NTM: variants seen among roughly 807,000 people sequenced by gnomAD.
NTM encodes neurotrimin, also known as IgLON family member 2.
Under a neutral mutation model 42.1 loss-of-function variants are expected in NTM, and 13 were observed. The ratio of observed to expected loss-of-function variants is 0.31; its 90% confidence interval spans 0.20 to 0.49. The LOEUF (loss-of-function observed/expected upper bound fraction) is 0.49. Among genes scored for constraint, NTM ranks in the 20% least tolerant of loss-of-function variants. NTM has a pLI of 0.99. For synonymous variants in NTM, 187 were observed against 179.2 expected (o/e 1.04, Z -0.35); for missense variants, 373 against 452.8 (o/e 0.82, Z 1.60).
At chr11:132,245,973 G>T (rs114846062) in intron 4 of NTM, among the ~76,000 whole-genome samples, 5 of 152,244 alleles carry the variant, frequency 3.3e-5, no homozygotes, top group Non-Finnish European at 7.4e-5. Context: ...TTTTCTCCCC[G>T]GGCGGCCACG....
intron 3 of NTM, among the ~76,000 whole-genome samples, chr11:132,149,839 C>G (rs2071453122): frequency 6.6e-6 from 1 of 152,176 alleles, no homozygotes; most frequent in Non-Finnish European, 1.5e-5. Flanking sequence ...CAAGTAGCTA[C>G]TTGCCAGGGT....
At chr11:131,421,147 A>G (rs1259919379) in intron 1 of NTM, among the ~76,000 whole-genome samples, 1 of 152,202 alleles carries the variant, frequency 6.6e-6, no homozygotes, top group Non-Finnish European at 1.5e-5. Flanking sequence ...ACTTTACTTC[A>G]AGAAATCACG....
intron 1 of NTM, among the ~76,000 whole-genome samples, chr11:131,786,278 G>A (rs2089196609): frequency 6.6e-6 from 1 of 152,208 alleles, no homozygotes; most frequent in African/African-American, 2.4e-5. Context: ...TCTTTAGACA[G>A]ACTACACTTT....
chr11:131,638,727 C>G (rs965547886), intron 1 of NTM, among the ~76,000 whole-genome samples: 1 of 152,026 alleles, frequency 6.6e-6, no homozygotes. Flanking sequence ...TTCTGAAAAC[C>G]TAGATTTTAG....
At chr11:131,694,906 C>CT (rs1271637065) in intron 1 of NTM, among the ~76,000 whole-genome samples, 1 of 152,172 alleles carries the variant, frequency 6.6e-6, no homozygotes, top group African/African-American at 2.4e-5. Context: ...GCCCTTGGGA[C>CT]TCGCTCAGCG....
chr11:131,733,512 TTCC>T (rs2079992330), intron 1 of NTM, among the ~76,000 whole-genome samples: 1 of 149,930 alleles, frequency 6.7e-6, no homozygotes, highest in African/African-American at 2.5e-5. Context: ...CCTTCCTTCC[TTCC>T]TTCCTTTCTT....
intron 2 of NTM, among the ~76,000 whole-genome samples, chr11:132,009,995 G>A (rs1279373010): frequency 3.3e-5 from 5 of 152,130 alleles, no homozygotes; most frequent in South Asian, 4.1e-4. Flanking sequence ...CCGAATACAC[G>A]TTATATCAAT....
intron 1 of NTM, chr11:131,660,731 A>G (rs1339641718): frequency 3.6e-6 from 2 of 563,332 alleles, no homozygotes; most frequent in East Asian, 1.4e-4. Flanking sequence ...GCAAAGAAAC[A>G]AAAGGAAAAT....
intron 1 of NTM, among the ~76,000 whole-genome samples, chr11:131,635,002 C>A (rs1366246567): frequency 6.6e-6 from 1 of 152,084 alleles, no homozygotes; most frequent in Non-Finnish European, 1.5e-5. Context: ...AAATAATGAC[C>A]TTTTGGTCAA....
chr11:131,438,791 A>C (rs1024614666), intron 1 of NTM, among the ~76,000 whole-genome samples: 2 of 152,196 alleles, frequency 1.3e-5, no homozygotes, highest in Non-Finnish European at 2.9e-5. Context: ...CTGTCAGCTC[A>C]TCAAAGTCAT....
At chr11:131,395,075 G>A (rs35249697) in intron 1 of NTM, among the ~76,000 whole-genome samples, 4,991 of 152,198 alleles carry the variant, frequency 0.033, 98 homozygotes, top group Middle Eastern at 0.054. Context: ...TGGCCAAGGT[G>A]GCAGTGGGAG....
At chr11:132,163,422 T>C (rs985127242) in intron 3 of NTM, among the ~76,000 whole-genome samples, 8 of 152,216 alleles carry the variant, frequency 5.3e-5, no homozygotes, top group Non-Finnish European at 1.2e-4. Context: ...GCTATTTTTA[T>C]GTATAGCTTA....
At chr11:131,798,014 C>A (rs947197793) in intron 1 of NTM, among the ~76,000 whole-genome samples, 2 of 151,990 alleles carry the variant, frequency 1.3e-5, no homozygotes, top group Admixed American at 6.6e-5. Flanking sequence ...ATGAATTTAC[C>A]TTTCATAATG....
chr11:131,373,227 C>T (rs1447456608), intron 1 of NTM, among the ~76,000 whole-genome samples: 1 of 152,222 alleles, frequency 6.6e-6, no homozygotes, highest in African/African-American at 2.4e-5. Context: ...ATTACTGAGG[C>T]AGCCCAGGTC....
chr11:132,233,717 T>C (rs1188599441), intron 4 of NTM, among the ~76,000 whole-genome samples: 1 of 152,178 alleles, frequency 6.6e-6, no homozygotes, highest in Non-Finnish European at 1.5e-5. Context: ...GCCTGAGATA[T>C]TTATTATCTG....
At chr11:132,155,510 C>T (rs1038436885) in intron 3 of NTM, among the ~76,000 whole-genome samples, 1 of 152,196 alleles carries the variant, frequency 6.6e-6, no homozygotes, top group African/African-American at 2.4e-5. Context: ...GGTCGCATCC[C>T]GTTTCTCCAG....
intron 1 of NTM, among the ~76,000 whole-genome samples, chr11:131,728,552 T>A (rs1022879474): frequency 1.3e-5 from 2 of 152,200 alleles, no homozygotes; most frequent in Non-Finnish European, 2.9e-5. Flanking sequence ...TTGTGGAGGC[T>A]TCATTACATA....
intron 1 of NTM, chr11:131,502,691 A>G (rs1205747782): frequency 6.6e-6 from 1 of 152,168 alleles, no homozygotes; most frequent in Non-Finnish European, 1.5e-5. Flanking sequence ...CTTGTTGTTG[A>G]AGTCATCGTC....
chr11:131,671,621 C>G, intron 1 of NTM: 1 of 985,100 alleles, frequency 1.0e-6, no homozygotes, highest in Non-Finnish European at 1.2e-6. Flanking sequence ...GCAGAGGTGG[C>G]AAATGGCTCA....
Sources: gnomAD v4.1 joint callset for allele counts (sites outside exome capture counted in the v4.1 genomes callset) on GRCh38, gnomAD v4.1.1 for gene constraint, MANE v1.5 for transcripts, NCBI Gene and HGNC (gene_info 2026-07-23, HGNC 2026-07-21) for gene names.